Variants in CKS2 observed in about 807,000 individuals in gnomAD.
The protein encoded by CKS2 is CDC28 protein kinase regulatory subunit 2.
In CKS2, 4 loss-of-function variants were observed where a neutral mutation model predicts 14.3. The observed-to-expected ratio is 0.28, with a 90% CI of 0.14 to 0.64. The LOEUF (loss-of-function observed/expected upper bound fraction) is 0.64, where lower values mean the gene tolerates loss of function less well. CKS2 is among the 30% of genes least tolerant of loss of function. The pLI, the probability that CKS2 is intolerant of heterozygous loss-of-function variation, is 0.83. For missense variants in CKS2, 71 were observed against 94.3 expected, an observed-to-expected ratio of 0.75 and a Z score of 1.02; for synonymous variants, 33 against 28.7, an observed-to-expected ratio of 1.15 and a Z score of -0.48.
chr9:89,311,726 T>C (rs1824613269), intron 1 of CKS2, among the ~76,000 whole-genome samples: 1 of 152,202 alleles, frequency 6.6e-6, no homozygotes, highest in Non-Finnish European at 1.5e-5. Context: ...ATTAGGCCGT[T>C]CAGTAGCTGG....
chr9:89,316,088 T>C (rs1824706473), intron 2 of CKS2, among the ~76,000 whole-genome samples: 1 of 152,180 alleles, frequency 6.6e-6, no homozygotes. Flanking sequence ...TAAGTGTAGA[T>C]TTCTGTGCCC....
intron 1 of CKS2, among the ~76,000 whole-genome samples, chr9:89,313,740 A>C (rs551882849): frequency 1.1e-3 from 167 of 152,382 alleles, no homozygotes; most frequent in Non-Finnish European, 2.0e-3. Context: ...AATCAACAAG[A>C]TAGAACGTAG....
At position 89,311,289 on chromosome 9, in the gene CKS2, C is replaced by T; in HGVS notation, c.-4C>T. ...CGTTTCATTTTCTGCAGCGCGCCAG[C>T]AGGATGGCCCACAAGCAGATCTACT... is the stretch of plus-strand genomic sequence containing the variant. On this transcript the variant is annotated 5_prime_UTR_variant, in exon 1 of 3. Coordinates refer to ENST00000314355, the MANE Select transcript of CKS2 (RefSeq NM_001827.3). 3 of 1,610,764 alleles carry T rather than the reference C, an allele frequency of 1.9e-6. No homozygotes were observed. Among genetic ancestry groups the T allele is most frequent in the Non-Finnish European group, 2.5e-6 (3 of 1,178,482 alleles).
intron 1 of CKS2, chr9:89,312,381 T>C (rs991502734): frequency 1.3e-5 from 2 of 154,364 alleles, no homozygotes; most frequent in African/African-American, 4.8e-5. Flanking sequence ...CTTAACTAGG[T>C]AGCGACTAGA....
chr9:89,311,451 TG>T, intron 1 of CKS2, 100 bp downstream of exon 1: 2 of 355,798 alleles, frequency 5.6e-6, no homozygotes, highest in South Asian at 2.8e-5. Context: ...GGCCGGGGCC[TG>T]GGGGGCGGAG....
intron 1 of CKS2, among the ~76,000 whole-genome samples, chr9:89,313,347 A>G (rs1824653653): frequency 2.0e-5 from 3 of 152,240 alleles, no homozygotes; most frequent in Non-Finnish European, 4.4e-5. Flanking sequence ...CTAAGGGCAT[A>G]ACAGTGGGTG....
intron 2 of CKS2, among the ~76,000 whole-genome samples, 161 bp from the exon 3 acceptor site, chr9:89,316,212 C>T (rs577075024): frequency 6.6e-6 from 1 of 152,068 alleles, no homozygotes; most frequent in Admixed American, 6.5e-5. Flanking sequence ...AATCTATTTA[C>T]TGTAGACAGT....
intron 1 of CKS2, among the ~76,000 whole-genome samples, chr9:89,311,754 T>C (rs180852734): frequency 6.9e-4 from 105 of 152,326 alleles, no homozygotes; most frequent in African/African-American, 2.4e-3. Flanking sequence ...TCCAGTTCTT[T>C]GAACCAGTCC....
intron 2 of CKS2, 119 bp downstream of exon 2, chr9:89,315,416 GTTT>G: frequency 1.5e-6 from 1 of 682,344 alleles, no homozygotes; most frequent in Non-Finnish European, 2.0e-6. Flanking sequence ...GTTCTGATAA[GTTT>G]TTTTTTTTAA....
chr9:89,311,623 C>T (rs1280676838), intron 1 of CKS2, among the ~76,000 whole-genome samples: 1 of 152,208 alleles, frequency 6.6e-6, no homozygotes, highest in Non-Finnish European at 1.5e-5. Context: ...CATTTAGTAC[C>T]TGGGTAGGAA....
At chr9:89,316,293 C>A (rs1587816163) in intron 2 of CKS2, 80 bp from the exon 3 acceptor site, 1 of 905,790 alleles carries the variant, frequency 1.1e-6, no homozygotes, top group Non-Finnish European at 1.8e-6. Context: ...TTTATTCTGG[C>A]TTAGTTGAGA....
At chr9:89,316,137 A>G (rs1240677811) in intron 2 of CKS2, among the ~76,000 whole-genome samples, 1 of 152,176 alleles carries the variant, frequency 6.6e-6, no homozygotes, top group Non-Finnish European at 1.5e-5. Flanking sequence ...GAGCATTAGT[A>G]TGAGATCCTG....
intron 1 of CKS2, 54 bp from the exon 2 acceptor site, chr9:89,315,116 A>G: frequency 6.6e-7 from 1 of 1,515,108 alleles, no homozygotes; most frequent in Non-Finnish European, 8.9e-7. Flanking sequence ...ACATGTATAA[A>G]GCGACAGTTG....
intron 2 of CKS2, 130 bp from the exon 3 acceptor site, chr9:89,316,241 ATT>A (rs3211692): frequency 0.025 from 15,756 of 627,666 alleles, 291 homozygotes; most frequent in Non-Finnish European, 0.034. Flanking sequence ...AAAAAAAATC[ATT>A]TTGGATACCT....
intron 1 of CKS2, among the ~76,000 whole-genome samples, chr9:89,311,834 G>GTGA (rs1804612371): frequency 6.6e-6 from 1 of 152,222 alleles, no homozygotes; most frequent in South Asian, 2.1e-4. Context: ...CGCTGACGGG[G>GTGA]TGATGCAGCT....
At chr9:89,315,882 C>G (rs1344489228) in intron 2 of CKS2, among the ~76,000 whole-genome samples, 1 of 152,140 alleles carries the variant, frequency 6.6e-6, no homozygotes, top group Non-Finnish European at 1.5e-5. Flanking sequence ...AATCTAACAG[C>G]ATTTATAATG....
intron 1 of CKS2, among the ~76,000 whole-genome samples, chr9:89,312,910 G>C (rs1013808402): frequency 6.6e-6 from 1 of 152,010 alleles, no homozygotes; most frequent in Admixed American, 6.6e-5. Context: ...TTTCTTTTAG[G>C]GTATAATATT....
chr9:89,315,603 A>G (rs1399045377), intron 2 of CKS2, among the ~76,000 whole-genome samples: 2 of 152,000 alleles, frequency 1.3e-5, no homozygotes, highest in Admixed American at 1.3e-4. Flanking sequence ...GCATTTTATC[A>G]TAAGTATATC....
chr9:89,311,292 G>C lies in CKS2; in HGVS notation c.-1G>C, dbSNP rs901739509. The C allele has an allele frequency of 6.2e-7, 1 of 1,610,926 alleles. No homozygotes were observed. Among genetic ancestry groups the C allele is most frequent in the Non-Finnish European group, 8.5e-7 (1 of 1,178,712 alleles). On this transcript the variant is annotated 5_prime_UTR_variant, in exon 1 of 3. Coordinates refer to ENST00000314355, the MANE Select transcript of CKS2 (RefSeq NM_001827.3). ...TTCATTTTCTGCAGCGCGCCAGCAG[G>C]ATGGCCCACAAGCAGATCTACTACT...
Sources: gnomAD v4.1 joint callset for allele counts (sites outside exome capture counted in the v4.1 genomes callset) on GRCh38, gnomAD v4.1.1 for gene constraint, MANE v1.5 for transcripts, NCBI Gene and HGNC (gene_info 2026-07-23, HGNC 2026-07-21) for gene names.